The following C12orf42 variants were observed in gnomAD, a reference collection of about 807,000 sequenced individuals.
The protein encoded by C12orf42 is chromosome 12 open reading frame 42.
C12orf42 carries 25 observed loss-of-function variants against 21.6 expected under a neutral mutation model. That is an observed-to-expected ratio of 1.16 (90% confidence interval 0.84 to 1.62). The LOEUF (loss-of-function observed/expected upper bound fraction) is 1.62. C12orf42 is among the 40% of genes most tolerant of loss of function. The pLI is 0.00. For synonymous variants in C12orf42, 174 were observed against 175.0 expected, an observed-to-expected ratio of 0.99 and a Z score of 0.05; for missense variants, 483 against 459.3, an observed-to-expected ratio of 1.05 and a Z score of -0.47.
intron 4 of C12orf42, among the ~76,000 whole-genome samples, chr12:103,363,327 C>T (rs2044282358): frequency 6.6e-6 from 1 of 152,010 alleles, no homozygotes; most frequent in African/African-American, 2.4e-5. Context: ...CAAGCCAGCA[C>T]TAAACTGCTA....
intron 4 of C12orf42, among the ~76,000 whole-genome samples, chr12:103,345,978 T>C (rs898155617): frequency 5.9e-5 from 9 of 152,214 alleles, no homozygotes; most frequent in Non-Finnish European, 1.3e-4. Flanking sequence ...GCAATAAGTT[T>C]TGTCAAGTTA....
chr12:103,476,604 G>A (rs1169658092), intron 2 of C12orf42, among the ~76,000 whole-genome samples: 1 of 152,216 alleles, frequency 6.6e-6, no homozygotes, highest in Non-Finnish European at 1.5e-5. Flanking sequence ...GAGAGAAGCA[G>A]TTTCCTAAAA....
the C12orf42 span, among the ~76,000 whole-genome samples, chr12:103,170,897 C>T: frequency 6.6e-6 from 1 of 152,144 alleles, no homozygotes; most frequent in African/African-American, 2.4e-5. Flanking sequence ...TCTAGTGCAA[C>T]TCTTTCAGTC....
At chr12:103,255,126 A>G (rs1335988113) in intron 10 of C12orf42, among the ~76,000 whole-genome samples, 1 of 152,104 alleles carries the variant, frequency 6.6e-6, no homozygotes, top group Non-Finnish European at 1.5e-5. Context: ...TAATCCCAGC[A>G]CTTTGGGAGG....
At chr12:103,387,644 C>G (rs1425027760) in intron 3 of C12orf42, among the ~76,000 whole-genome samples, 2 of 152,232 alleles carry the variant, frequency 1.3e-5, no homozygotes, top group Non-Finnish European at 2.9e-5. Context: ...TACATTTAAA[C>G]AGAGGCTCCA....
At chr12:103,177,001 T>C in the C12orf42 span, among the ~76,000 whole-genome samples, 1 of 152,220 alleles carries the variant, frequency 6.6e-6, no homozygotes, top group Admixed American at 6.5e-5. Flanking sequence ...CTGTGACCCT[T>C]GCTCCATTTT....
chr12:103,535,103 T>G, the C12orf42 span, among the ~76,000 whole-genome samples: 2 of 152,214 alleles, frequency 1.3e-5, no homozygotes, highest in Non-Finnish European at 2.9e-5. Flanking sequence ...AAGAGCCTTG[T>G]GTCCTCTGCC....
chr12:103,258,623 T>C (rs879704771), intron 10 of C12orf42, among the ~76,000 whole-genome samples: 3 of 151,904 alleles, frequency 2.0e-5, no homozygotes, highest in Admixed American at 2.0e-4. Flanking sequence ...CCATTAGAAC[T>C]AACGAAGATC....
At chr12:103,348,537 T>A (rs781166046) in intron 4 of C12orf42, among the ~76,000 whole-genome samples, 10 of 152,188 alleles carry the variant, frequency 6.6e-5, no homozygotes, top group Non-Finnish European at 1.0e-4. Flanking sequence ...GTTCAAAGAT[T>A]TTTTAAAATG....
intron 3 of C12orf42, among the ~76,000 whole-genome samples, chr12:103,390,839 A>G (rs1250791933): frequency 6.6e-6 from 1 of 152,234 alleles, no homozygotes; most frequent in Non-Finnish European, 1.5e-5. Context: ...GTAGGCTCAT[A>G]CAATAAACAA....
the C12orf42 span, among the ~76,000 whole-genome samples, chr12:103,123,654 T>G: frequency 6.6e-6 from 1 of 152,152 alleles, no homozygotes; most frequent in South Asian, 2.1e-4. Flanking sequence ...TGGATTGAGA[T>G]GTATTGAAAT....
At chr12:103,335,904 T>G (rs927022069) in intron 4 of C12orf42, among the ~76,000 whole-genome samples, 6 of 152,234 alleles carry the variant, frequency 3.9e-5, no homozygotes, top group Admixed American at 2.6e-4. Context: ...TTTCTTTTTA[T>G]ATTTGACTCA....
intron 4 of C12orf42, among the ~76,000 whole-genome samples, chr12:103,334,988 T>C (rs1288507661): frequency 6.6e-6 from 1 of 152,204 alleles, no homozygotes; most frequent in Non-Finnish European, 1.5e-5. Flanking sequence ...TTCAAGTAGG[T>C]GACAGTCTGG....
At chr12:103,383,877 T>C (rs971933745) in intron 3 of C12orf42, among the ~76,000 whole-genome samples, 30 of 152,230 alleles carry the variant, frequency 2.0e-4, no homozygotes, top group Admixed American at 1.8e-3. Flanking sequence ...ATGATTGGGC[T>C]AAAATCACCC....
intron 2 of C12orf42, among the ~76,000 whole-genome samples, chr12:103,469,577 A>G (rs982744694): frequency 2.0e-5 from 3 of 152,266 alleles, no homozygotes; most frequent in African/African-American, 7.2e-5. Context: ...TTATTAGACA[A>G]TATAGGTGAT....
the C12orf42 span, among the ~76,000 whole-genome samples, chr12:103,103,397 C>T: frequency 1.3e-5 from 2 of 152,186 alleles, no homozygotes; most frequent in Non-Finnish European, 2.9e-5. Context: ...GTTTGAATCT[C>T]TCCCTTGAAA....
intron 4 of C12orf42, among the ~76,000 whole-genome samples, chr12:103,321,824 A>G (rs1566076430): frequency 1.4e-5 from 2 of 147,344 alleles, no homozygotes; most frequent in Non-Finnish European, 3.0e-5. Context: ...ATGAGATCAC[A>G]TGGACACAGG....
chr12:103,082,075 T>C, the C12orf42 span, among the ~76,000 whole-genome samples: 1 of 152,228 alleles, frequency 6.6e-6, no homozygotes, highest in Non-Finnish European at 1.5e-5. Flanking sequence ...GGGGAATTAG[T>C]GTGTAAAGAC....
At chr12:103,445,845 T>G (rs529611883) in intron 2 of C12orf42, among the ~76,000 whole-genome samples, 21 of 152,212 alleles carry the variant, frequency 1.4e-4, no homozygotes, top group African/African-American at 5.1e-4. Flanking sequence ...GAAGATGTTC[T>G]TCTATATTGT....
Sources: gnomAD v4.1 joint callset for allele counts (sites outside exome capture counted in the v4.1 genomes callset) on GRCh38, gnomAD v4.1.1 for gene constraint, MANE v1.5 for transcripts, NCBI Gene and HGNC (gene_info 2026-07-23, HGNC 2026-07-21) for gene names.